The following SOD2 variants were observed in gnomAD, a reference collection of about 807,000 sequenced individuals.
The protein encoded by SOD2 is superoxide dismutase [Mn], mitochondrial.
In SOD2, 11 loss-of-function variants were observed where a neutral mutation model predicts 27.0. That is an observed-to-expected ratio of 0.41 (90% CI 0.26 to 0.67). SOD2 has a LOEUF of 0.67. Among genes scored for constraint, SOD2 ranks in the 30% least tolerant of loss-of-function variants. The pLI is 0.34. For synonymous variants in SOD2, 105 were observed against 103.0 expected (o/e 1.02, Z -0.12); for missense variants, 250 against 274.5 (o/e 0.91, Z 0.63).
intron 1 of SOD2, among the ~76,000 whole-genome samples, chr6:159,722,611 G>T (rs1269955088): frequency 6.6e-6 from 1 of 152,072 alleles, no homozygotes; most frequent in Admixed American, 6.5e-5. Context: ...CCCTAAATTT[G>T]CCCCCTGGGA....
Position 159,678,000 on chromosome 6 carries a change from A to G in SOD2, c.*4493T>C, listed in dbSNP as rs1779816665. 1 of 152,150 alleles carries G rather than the reference A, an allele frequency of 6.6e-6. No homozygotes were observed. The highest frequency in any genetic ancestry group is 2.4e-5 in the African/African-American group (1 of 41,438). 9.4% of individuals were successfully genotyped at this position (152,150 alleles called of 1,614,324 possible). On this transcript the variant is annotated 3_prime_UTR_variant, in exon 5 of 5. Coordinates refer to ENST00000538183, the MANE Select transcript of SOD2 (RefSeq NM_000636.4). Reference sequence around the variant, plus strand: ...GCAAGATTGGAGGGTTTGGACTCCCAGCCTCAACCCCCAACCTCCAGAAAG... The same window carrying G: ...GCAAGATTGGAGGGTTTGGACTCCCGGCCTCAACCCCCAACCTCCAGAAAG...
In SOD2 at chr6:159,712,397, C is replaced by G. The variant is rs868559836; in HGVS notation, c.-116+14732G>C. Among the ~76,000 whole-genome samples the G allele has an allele frequency of 1.1e-4, 12 of 107,654 alleles. 1 individual carries two copies. The highest frequency in any genetic ancestry group is 4.0e-4 in the South Asian group (1 of 2,524). 70.6% of individuals were successfully genotyped at this position (107,654 alleles called of 152,430 possible). On this transcript the variant is annotated intron_variant, in intron 1 of 2. Coordinates refer to the SOD2 transcript ENST00000401980. The stretch of plus-strand genomic sequence containing the variant: ...TCCATAACCACCTCCATAACCACCA[C>G]TCACACTGCTCTGATCACCATAACC...
At chr6:159,705,981 G>C (rs564782041) in intron 1 of SOD2, among the ~76,000 whole-genome samples, 2 of 152,254 alleles carry the variant, frequency 1.3e-5, no homozygotes, top group African/African-American at 4.8e-5. Flanking sequence ...TTAAAGAAAA[G>C]AATTTTCAAC....
At chr6:159,762,196 G>T in exon 1 of SOD2, 1 of 1,572,492 alleles carries the variant, frequency 6.4e-7, no homozygotes, top group African/African-American at 1.4e-5. Flanking sequence ...GCTTCGGCAG[G>T]AGCGCCGAGG....
At chr6:159,692,923 G>C in intron 1 of SOD2, 60 bp from the exon 2 acceptor site, 1 of 1,439,122 alleles carries the variant, frequency 6.9e-7, no homozygotes, top group Non-Finnish European at 9.2e-7. Context: ...ACGCAGGCTG[G>C]GCTGCCGAGG....
upstream of SOD2, among the ~76,000 whole-genome samples, chr6:159,697,613 G>A (rs987179952): frequency 6.6e-6 from 1 of 152,222 alleles, no homozygotes; most frequent in Non-Finnish European, 1.5e-5. Context: ...GTGGGCATGT[G>A]TCGCAGGTAA....
upstream of SOD2, among the ~76,000 whole-genome samples, chr6:159,731,292 C>G (rs1198500220): frequency 6.6e-6 from 1 of 151,406 alleles, no homozygotes; most frequent in Non-Finnish European, 1.5e-5. Flanking sequence ...AAGACCTCAT[C>G]TCTACTACCA....
In SOD2 at chr6:159,713,671, TG is replaced by T. The variant is rs1012564765; in HGVS notation, c.-116+13457del. The T allele has an allele frequency of 4.1e-6, 4 of 967,674 alleles. No individual in the cohort carries two copies. In the Admixed American group the frequency reaches 7.6e-5, roughly 18 times the overall value. The allele number at this position is 967,674 out of a possible 1,614,324, so 59.9% of individuals were successfully genotyped here. A position where few individuals can be genotyped will look rare whatever the true frequency, so the allele number is the denominator to read the frequency against. On this transcript the variant is annotated intron_variant, in intron 1 of 2. Transcript: ENST00000401980. ...CCTCTAAGCCAGACGAAGCCATCGTTGGCAGTATCAGGACTATTCAGACCTG... is the reference window on the plus strand; with the variant it reads ...CCTCTAAGCCAGACGAAGCCATCGTTGCAGTATCAGGACTATTCAGACCTG...
chr6:159,709,064 T>C (rs1036135079), intron 1 of SOD2, among the ~76,000 whole-genome samples: 2 of 152,232 alleles, frequency 1.3e-5, no homozygotes, highest in Non-Finnish European at 2.9e-5. Flanking sequence ...GCTAGCCATA[T>C]GTAGAAAGCT....
chr6:159,705,496 C>T (rs1407816598), intron 1 of SOD2, among the ~76,000 whole-genome samples: 3 of 152,134 alleles, frequency 2.0e-5, no homozygotes, highest in Non-Finnish European at 2.9e-5. Context: ...GTAGCCGATT[C>T]GATCAACTGG....
intron 1 of SOD2, among the ~76,000 whole-genome samples, chr6:159,702,555 C>G (rs1777540933): frequency 6.7e-6 from 1 of 150,030 alleles, no homozygotes; most frequent in Non-Finnish European, 1.5e-5. Flanking sequence ...TCCGCGGCCT[C>G]CTGAAGTGCT....
intron 1 of SOD2, among the ~76,000 whole-genome samples, chr6:159,706,790 T>C (rs1348912615): frequency 6.6e-6 from 1 of 152,104 alleles, no homozygotes. Flanking sequence ...TACAGAACTC[T>C]CCACCCCAAA....
At chr6:159,684,640 G>A (rs528979662) in intron 4 of SOD2, among the ~76,000 whole-genome samples, 2 of 152,186 alleles carry the variant, frequency 1.3e-5, no homozygotes, top group African/African-American at 4.8e-5. Flanking sequence ...AATAAAACAT[G>A]TTTGTTAATG....
At position 159,688,337 on chromosome 6, in the gene SOD2, T is replaced by G. The variant is rs114887898; in HGVS notation, c.227-95A>C. 255 of 745,892 alleles carry G rather than the reference T, an allele frequency of 3.4e-4. 2 individuals are homozygous for G. In the African/African-American group the frequency reaches 4.3e-3, roughly 12 times the overall value. 46.2% of individuals were successfully genotyped at this position (745,892 alleles called of 1,614,324 possible). A position where few individuals can be genotyped will look rare whatever the true frequency, so the allele number is the denominator to read the frequency against. ...TTTTTCTTTGTAAGCTATTAGATAA[T>G]GGGACCAGCTTATCTATAACATCCG... On this transcript the variant is annotated intron_variant, in intron 2 of 4. Transcript: ENST00000538183.
At chr6:159,713,887 T>G (rs1045795437) in intron 1 of SOD2, 1 of 985,752 alleles carries the variant, frequency 1.0e-6, no homozygotes, top group African/African-American at 1.6e-5. Flanking sequence ...CATTTTGTAT[T>G]TTGCAATCAG....
At chr6:159,712,894 C>T (rs1562439377) in intron 1 of SOD2, 1 of 633,244 alleles carries the variant, frequency 1.6e-6, no homozygotes, top group East Asian at 3.0e-5. Context: ...GTTCATAAAC[C>T]CCCCTACTTG....
intron 1 of SOD2, chr6:159,736,505 T>G (rs1355211536): frequency 1.7e-5 from 7 of 419,356 alleles, no homozygotes; most frequent in Non-Finnish European, 3.0e-5. Context: ...ATTTTCAGAT[T>G]TTGGAAAACT....
intron 1 of SOD2, chr6:159,736,516 T>G (rs1778927392): frequency 2.4e-6 from 1 of 411,922 alleles, no homozygotes. Context: ...TTGGAAAACT[T>G]TAGTTATAAT....
intron 1 of SOD2, chr6:159,736,238 T>C (rs983788210): frequency 1.0e-5 from 16 of 1,590,118 alleles, no homozygotes; most frequent in African/African-American, 6.7e-5. Flanking sequence ...GAACTTGTTT[T>C]CCGCAACTTT....
Sources: gnomAD v4.1 joint callset for allele counts (sites outside exome capture counted in the v4.1 genomes callset) on GRCh38, gnomAD v4.1.1 for gene constraint, MANE v1.5 for transcripts, NCBI Gene and HGNC (gene_info 2026-07-23, HGNC 2026-07-21) for gene names.